NMNAT2: variants seen among roughly 807,000 people sequenced by gnomAD.
The protein encoded by NMNAT2 is nicotinamide/nicotinic acid mononucleotide adenylyltransferase 2.
In NMNAT2, 11 loss-of-function variants were observed where a neutral mutation model predicts 41.6. The ratio of observed to expected loss-of-function variants is 0.26; its 90% CI spans 0.17 to 0.44. NMNAT2 has a LOEUF of 0.44. Among genes scored for constraint, NMNAT2 ranks in the 20% least tolerant of loss-of-function variants. The pLI, the probability that NMNAT2 is intolerant of heterozygous loss-of-function variation, is 1.00. For missense variants in NMNAT2, 288 were observed against 407.7 expected (o/e 0.71, Z 2.53); for synonymous variants, 148 against 151.2 (o/e 0.98, Z 0.16).
chr1:183,304,894 A>G lies in NMNAT2; in HGVS notation c.86-11101T>C, dbSNP rs1340848419. 1.3e-5 allele frequency: 19 copies of G among 1,469,718 alleles called. 1 individual carries two copies. The South Asian group carries it at 2.3e-4, about 18-fold the overall frequency. 91.0% of individuals were successfully genotyped at this position (1,469,718 alleles called of 1,614,324 possible). A position where few individuals can be genotyped will look rare whatever the true frequency, so the allele number is the denominator to read the frequency against. On this transcript the variant is annotated intron_variant, in intron 1 of 10. Coordinates refer to ENST00000287713, the MANE Select transcript of NMNAT2 (RefSeq NM_015039.4). ...TTTGAATCCCTTTGTCCTTACAGCC[A>G]GGAAATGATTTATGACCCTCCCTTC...
At chr1:183,418,132 G>A in intron 1 of NMNAT2, 51 bp downstream of exon 1, 1 of 1,536,508 alleles carries the variant, frequency 6.5e-7, no homozygotes, top group Non-Finnish European at 9.0e-7. Flanking sequence ...ACAGGTGCCT[G>A]GGAAAGGAGA....
At chr1:183,277,112 T>A (rs991132725) in intron 8 of NMNAT2, among the ~76,000 whole-genome samples, 5 of 152,160 alleles carry the variant, frequency 3.3e-5, no homozygotes, top group African/African-American at 4.8e-5. Flanking sequence ...AACAATACCA[T>A]TTAAGCCTTC....
intron 1 of NMNAT2, among the ~76,000 whole-genome samples, chr1:183,362,822 C>CT (rs1663333623): frequency 6.6e-6 from 1 of 152,096 alleles, no homozygotes; most frequent in Non-Finnish European, 1.5e-5. Flanking sequence ...CTATGTTTAA[C>CT]TTTTTGAGAA....
At chr1:183,318,674 C>T (rs1172389204) in intron 1 of NMNAT2, among the ~76,000 whole-genome samples, 1 of 152,154 alleles carries the variant, frequency 6.6e-6, no homozygotes, top group Non-Finnish European at 1.5e-5. Flanking sequence ...CTGCCTTGAG[C>T]CAGAGGCCAC....
intron 1 of NMNAT2, among the ~76,000 whole-genome samples, chr1:183,333,161 T>C (rs959620678): frequency 2.0e-5 from 3 of 152,076 alleles, no homozygotes; most frequent in Non-Finnish European, 4.4e-5. Context: ...CAGAGAACTC[T>C]CCAGGGGATA....
intron 1 of NMNAT2, among the ~76,000 whole-genome samples, chr1:183,305,290 T>C (rs906450238): frequency 2.0e-5 from 3 of 150,774 alleles, no homozygotes; most frequent in African/African-American, 7.4e-5. Flanking sequence ...TAAATATAGC[T>C]GGGCAGGGGG....
intron 1 of NMNAT2, among the ~76,000 whole-genome samples, chr1:183,341,725 C>CAAAAAAAAAAACAAAAAAA (rs1662811194): frequency 4.5e-5 from 1 of 22,210 alleles, no homozygotes; most frequent in African/African-American, 1.6e-4. Flanking sequence ...AAACAAACAC[C>CAAAAAAAAAAACAAAAAAA]AAAAAAAAAA....
At chr1:183,261,599 C>T (rs1053018169) in intron 8 of NMNAT2, among the ~76,000 whole-genome samples, 1 of 152,214 alleles carries the variant, frequency 6.6e-6, no homozygotes, top group East Asian at 1.9e-4. Flanking sequence ...ATTCCTGAGG[C>T]TCCCGTTAAG....
chr1:183,350,305 G>C (rs1663019059), intron 1 of NMNAT2, among the ~76,000 whole-genome samples: 1 of 152,154 alleles, frequency 6.6e-6, no homozygotes. Flanking sequence ...CCAATCACCA[G>C]CTGAGATGGG....
intron 1 of NMNAT2, among the ~76,000 whole-genome samples, chr1:183,339,851 G>A (rs910011613): frequency 1.3e-5 from 2 of 152,124 alleles, no homozygotes; most frequent in Non-Finnish European, 2.9e-5. Context: ...AAGGAGCTAT[G>A]TCTGCCTCAG....
Position 183,412,727 on chromosome 1 carries a change from C to A in NMNAT2, c.85+5456G>T, listed in dbSNP as rs528489121. ...AAACATTTGGACATAAATAGTGTGT[C>A]CAAAACAGGGAATAATTAAGCATTA... On this transcript the variant is annotated intron_variant, in intron 1 of 10. Transcript: ENST00000287713. Among the ~76,000 whole-genome samples, 193 of 152,204 alleles carry A rather than the reference C, an allele frequency of 1.3e-3. 1 individual carries two copies. The highest frequency in any genetic ancestry group is 4.1e-3 in the African/African-American group (171 of 41,540).
chr1:183,272,474 T>TA (rs923058660), intron 8 of NMNAT2, among the ~76,000 whole-genome samples: 4 of 152,126 alleles, frequency 2.6e-5, no homozygotes, highest in Admixed American at 6.5e-5. Context: ...CCATGGAATG[T>TA]AAGGGGAAGG....
At chr1:183,290,290 G>A in intron 3 of NMNAT2, 84 bp from the exon 4 acceptor site, 4 of 1,138,624 alleles carry the variant, frequency 3.5e-6, no homozygotes, top group South Asian at 1.4e-5. Context: ...CATAGCTCAG[G>A]AAGCATGGCA....
chr1:183,418,245 T>C lies in NMNAT2; in HGVS notation c.23A>G (p.His8Arg). The C allele has an allele frequency of 6.2e-7, 1 of 1,613,544 alleles. No individual in the cohort carries two copies. The highest frequency in any genetic ancestry group is 8.5e-7 in the Non-Finnish European group (1 of 1,179,922). ...GCTGCCGCAGGCGAGCAAGATAACG[T>C]GGGTCTTGGTGGTCTCGGTCATGGT... MTETTKT[H>R]VILLACGSFN... The change falls in exon 1 of 11, where the codon CAC becomes CGC. Residue 8 changes from histidine to arginine, a missense_variant. Physicochemically the swap from His to Arg is conservative, Grantham distance 29. Coordinates refer to ENST00000287713, the MANE Select transcript of NMNAT2 (RefSeq NM_015039.4).
At chr1:183,409,839 C>T (rs1249543884) in intron 1 of NMNAT2, among the ~76,000 whole-genome samples, 1 of 152,150 alleles carries the variant, frequency 6.6e-6, no homozygotes, top group Non-Finnish European at 1.5e-5. Context: ...GCAACAAGGG[C>T]ATTCCAGTGA....
At chr1:183,304,121 A>T (rs1435360634) in intron 1 of NMNAT2, among the ~76,000 whole-genome samples, 1 of 151,790 alleles carries the variant, frequency 6.6e-6, no homozygotes, top group East Asian at 1.9e-4. Flanking sequence ...ACCAATACTT[A>T]TGTGACTTGT....
At chr1:183,341,725 C>CAAAAAAAAAAACA (rs1662811194) in intron 1 of NMNAT2, among the ~76,000 whole-genome samples, 2 of 22,214 alleles carry the variant, frequency 9.0e-5, no homozygotes, top group African/African-American at 3.2e-4. Flanking sequence ...AAACAAACAC[C>CAAAAAAAAAAACA]AAAAAAAAAA....
chr1:183,305,014 C>CCTG, intron 1 of NMNAT2: 1 of 458,692 alleles, frequency 2.2e-6, no homozygotes, highest in Non-Finnish European at 3.4e-6. Flanking sequence ...TGTTCAAATC[C>CCTG]TTTCCACTGG....
rs552403970 is a variant in NMNAT2 at position 183,407,381 on chromosome 1, G to GT, written c.85+10801dup. On this transcript the variant is annotated intron_variant, in intron 1 of 10. Coordinates refer to ENST00000287713, the MANE Select transcript of NMNAT2 (RefSeq NM_015039.4). ...GCACCTCGTGTTTGCTGTCTGTCCT[G>GT]TTTTTTTTGGTTCTGTCTTGCTTGA... is the stretch of plus-strand genomic sequence containing the variant. 2.8e-3 allele frequency among the ~76,000 whole-genome samples: 429 copies of GT among 151,614 alleles called. 4 individuals are homozygous for GT. The highest frequency in any genetic ancestry group is 9.1e-3 in the African/African-American group (375 of 41,352).
Sources: gnomAD v4.1 joint callset for allele counts (sites outside exome capture counted in the v4.1 genomes callset) on GRCh38, gnomAD v4.1.1 for gene constraint, MANE v1.5 for transcripts, NCBI Gene and HGNC (gene_info 2026-07-23, HGNC 2026-07-21) for gene names.